NALF1: variants seen among roughly 807,000 people sequenced by gnomAD.
The protein encoded by NALF1 is family with sequence similarity 155 member A.
A neutral mutation model predicts 48.4 loss-of-function variants in NALF1; 3 were observed. The ratio of observed to expected loss-of-function variants is 0.06; its 90% CI spans 0.03 to 0.16. The LOEUF is 0.16. NALF1 is among the 10% of genes least tolerant of loss of function. NALF1 has a pLI of 1.00. For synonymous variants in NALF1, 262 were observed against 245.7 expected, an observed-to-expected ratio of 1.07 and a Z score of -0.62; for missense variants, 526 against 571.5, an observed-to-expected ratio of 0.92 and a Z score of 0.81.
At chr13:107,590,471 A>G (rs1265919849) in intron 1 of NALF1, among the ~76,000 whole-genome samples, 9 of 152,052 alleles carry the variant, frequency 5.9e-5, no homozygotes, top group Admixed American at 5.3e-4. Context: ...TAAATATATA[A>G]TAAACCATCT....
intron 1 of NALF1, among the ~76,000 whole-genome samples, chr13:107,795,033 A>C (rs1445575603): frequency 6.6e-6 from 1 of 152,190 alleles, no homozygotes; most frequent in African/African-American, 2.4e-5. Flanking sequence ...TATACACATT[A>C]ATTTCATAAG....
intron 1 of NALF1, among the ~76,000 whole-genome samples, chr13:107,238,514 A>G (rs1880399752): frequency 3.3e-5 from 5 of 152,166 alleles, no homozygotes; most frequent in Admixed American, 3.3e-4. Context: ...AGAGTGTGAC[A>G]AAGACAGTAC....
At chr13:107,527,004 G>A (rs995073717) in intron 1 of NALF1, among the ~76,000 whole-genome samples, 1 of 152,068 alleles carries the variant, frequency 6.6e-6, no homozygotes, top group Non-Finnish European at 1.5e-5. Context: ...CTTGAATAAG[G>A]GCACTAAGAA....
intron 1 of NALF1, among the ~76,000 whole-genome samples, chr13:107,500,517 T>C (rs923170519): frequency 6.0e-5 from 9 of 151,046 alleles, no homozygotes; most frequent in African/African-American, 1.7e-4. Context: ...GACTGTAAAC[T>C]AGTTCAACCA....
At chr13:107,831,751 G>A (rs1879738919) in intron 1 of NALF1, among the ~76,000 whole-genome samples, 1 of 152,166 alleles carries the variant, frequency 6.6e-6, no homozygotes, top group African/African-American at 2.4e-5. Context: ...GCGCGTATTT[G>A]CAGCCCCTGG....
At chr13:107,531,747 T>G (rs529791279) in intron 1 of NALF1, among the ~76,000 whole-genome samples, 1 of 152,108 alleles carries the variant, frequency 6.6e-6, no homozygotes, top group Admixed American at 6.6e-5. Flanking sequence ...TTGTTGTTGT[T>G]TGACTGGAAT....
intron 1 of NALF1, among the ~76,000 whole-genome samples, chr13:107,311,396 T>G (rs1008268218): frequency 6.6e-6 from 1 of 152,132 alleles, no homozygotes; most frequent in African/African-American, 2.4e-5. Context: ...TGTCAGATCT[T>G]AAAACATACA....
At chr13:107,503,753 T>TGTGTGTGTGTGTGTGTG (rs1329568918) in intron 1 of NALF1, among the ~76,000 whole-genome samples, 1 of 70,898 alleles carries the variant, frequency 1.4e-5, no homozygotes, top group Non-Finnish European at 2.6e-5. Flanking sequence ...GTGTGTGTGT[T>TGTGTGTGTGTGTGTGTG]TGTGTGTGTG....
intron 1 of NALF1, among the ~76,000 whole-genome samples, chr13:107,799,800 G>A (rs536323007): frequency 6.6e-6 from 1 of 152,212 alleles, no homozygotes; most frequent in South Asian, 2.1e-4. Context: ...ATATTTTTCA[G>A]GTTCCCTTTA....
chr13:107,408,398 A>G (rs1486182146), intron 1 of NALF1, among the ~76,000 whole-genome samples: 2 of 152,020 alleles, frequency 1.3e-5, no homozygotes, highest in Non-Finnish European at 2.9e-5. Context: ...ACCCATAAAT[A>G]TATACACCTA....
At chr13:107,791,831 G>C (rs1878248341) in intron 1 of NALF1, among the ~76,000 whole-genome samples, 1 of 151,852 alleles carries the variant, frequency 6.6e-6, no homozygotes, top group African/African-American at 2.4e-5. Context: ...GTGGTGGCGG[G>C]TACCTAAAAT....
intron 1 of NALF1, among the ~76,000 whole-genome samples, chr13:107,693,607 T>C (rs1881625735): frequency 6.6e-6 from 1 of 152,140 alleles, no homozygotes; most frequent in African/African-American, 2.4e-5. Context: ...ATTTTTCTTT[T>C]TTTTTTTTTC....
intron 1 of NALF1, among the ~76,000 whole-genome samples, chr13:107,320,187 A>G (rs1434112470): frequency 6.6e-6 from 1 of 152,102 alleles, no homozygotes; most frequent in Admixed American, 6.6e-5. Flanking sequence ...TAAAAAATAA[A>G]CAGACATTGA....
At chr13:107,837,913 T>C (rs1487033883) in intron 1 of NALF1, among the ~76,000 whole-genome samples, 5 of 146,272 alleles carry the variant, frequency 3.4e-5, no homozygotes, top group Admixed American at 2.7e-4. Flanking sequence ...CAATACAGTA[T>C]ACAGATTAAA....
intron 1 of NALF1, among the ~76,000 whole-genome samples, chr13:107,697,485 A>G (rs1881724728): frequency 6.6e-6 from 1 of 152,166 alleles, no homozygotes; most frequent in African/African-American, 2.4e-5. Flanking sequence ...GGTATTGTAC[A>G]ATATTCAATT....
intron 1 of NALF1, among the ~76,000 whole-genome samples, chr13:107,506,586 G>T (rs940097502): frequency 1.3e-5 from 1 of 74,326 alleles, no homozygotes; most frequent in Non-Finnish European, 3.3e-5. Context: ...CCACTGTTGT[G>T]CATTTTTCTC....
At chr13:107,183,032 A>G (rs1308743473) in intron 2 of NALF1, among the ~76,000 whole-genome samples, 4 of 152,206 alleles carry the variant, frequency 2.6e-5, no homozygotes, top group Non-Finnish European at 4.4e-5. Context: ...ATGAGAAAGG[A>G]GTGCTCCACC....
At chr13:107,575,823 C>T (rs764160173) in intron 1 of NALF1, among the ~76,000 whole-genome samples, 6 of 152,032 alleles carry the variant, frequency 3.9e-5, no homozygotes, top group African/African-American at 9.6e-5. Flanking sequence ...CCTTGGAGTC[C>T]GGATTTCAGT....
At chr13:107,730,266 G>T (rs990032612) in intron 1 of NALF1, among the ~76,000 whole-genome samples, 9 of 152,154 alleles carry the variant, frequency 5.9e-5, no homozygotes, top group Non-Finnish European at 1.0e-4. Flanking sequence ...ATACAAGAAT[G>T]CATTTCCCAC....
Sources: allele counts gnomAD v4.1 joint callset (sites outside exome capture counted in the v4.1 genomes callset), GRCh38; gene constraint gnomAD v4.1.1; transcripts MANE v1.5; gene names NCBI Gene and HGNC (gene_info 2026-07-23, HGNC 2026-07-21).